Variants in USP15 observed in about 807,000 individuals in gnomAD.
USP15 encodes the protein ubiquitin carboxyl-terminal hydrolase 15.
USP15 carries 18 observed loss-of-function variants against 127.1 expected under a neutral mutation model. The observed-to-expected ratio is 0.14, with a 90% CI of 0.10 to 0.21. The LOEUF is 0.21. Among genes scored for constraint, USP15 ranks in the 10% least tolerant of loss-of-function variants. The probability of loss-of-function intolerance (pLI) is 1.00; values close to 1 mark genes in which losing one functional copy is unlikely to be tolerated. For synonymous variants in USP15, 364 were observed against 393.7 expected (o/e 0.92, Z 0.89); for missense variants, 805 against 1,159.9 (o/e 0.69, Z 4.44).
chr12:62,330,225 A>T (rs1181257005), intron 6 of USP15, among the ~76,000 whole-genome samples: 1 of 152,112 alleles, frequency 6.6e-6, no homozygotes, highest in Admixed American at 6.6e-5. Context: ...AAATTTATTT[A>T]TATTATATTT....
chr12:62,391,301 G>A lies in USP15; in HGVS notation c.2105G>A (p.Gly702Asp), dbSNP rs559569739. Residue 702 changes from glycine (G) to aspartate (D), a missense_variant, in exon 16 of 22, where the codon GGT (glycine) becomes GAT (aspartate). Gly to Asp is a moderately conservative substitution (Grantham distance 94, BLOSUM62 -1). Transcript: ENST00000280377. ...TTATGTACTGAGGATACTTGCAAAG[G>A]TCAACTCACGGGACACAAAAAACGA... ...NGLCTEDTCK[G>D]QLTGHKKRLF... 1.2e-6 allele frequency: 2 copies of A among 1,613,528 alleles called. No individual in the cohort carries two copies. Among genetic ancestry groups the A allele is most frequent in the East Asian group, 4.5e-5 (2 of 44,798 alleles).
At chr12:62,307,246 T>G (rs1452876230) in intron 3 of USP15, among the ~76,000 whole-genome samples, 1 of 152,090 alleles carries the variant, frequency 6.6e-6, no homozygotes, top group Non-Finnish European at 1.5e-5. Flanking sequence ...GGCTGAAAAT[T>G]TACTTAACTT....
At chr12:62,305,077 A>T (rs73135297) in intron 3 of USP15, among the ~76,000 whole-genome samples, 11,616 of 152,174 alleles carry the variant, frequency 0.076, 572 homozygotes, top group Middle Eastern at 0.16. Context: ...AATGGAATGC[A>T]GTAAGTAAGT....
intron 8 of USP15, among the ~76,000 whole-genome samples, chr12:62,362,717 CTAATTATGCCA>C (rs1467769432): frequency 6.6e-6 from 1 of 152,036 alleles, no homozygotes; most frequent in Non-Finnish European, 1.5e-5. Context: ...CTCATAATCA[CTAATTATGCCA>C]TGATGAACAA....
intron 4 of USP15, among the ~76,000 whole-genome samples, 185 bp from the exon 5 acceptor site, chr12:62,321,279 A>G (rs1007232842): frequency 2.0e-5 from 3 of 152,026 alleles, no homozygotes; most frequent in East Asian, 3.9e-4. Context: ...TACAAATACC[A>G]TTTTTTCCAT....
chr12:62,326,822 A>T (rs1264906087), intron 6 of USP15, among the ~76,000 whole-genome samples: 1 of 152,174 alleles, frequency 6.6e-6, no homozygotes, highest in Non-Finnish European at 1.5e-5. Context: ...AAAATCTGCT[A>T]CTTTATTTGA....
At position 62,404,188 on chromosome 12, in the gene USP15, G is replaced by A. The variant is rs1375445758; in HGVS notation, c.2764-5G>A. 2 of 1,592,890 alleles carry A rather than the reference G, an allele frequency of 1.3e-6. No homozygotes were observed. The highest frequency in any genetic ancestry group is 2.7e-5 in the African/African-American group (2 of 73,664). ...TAACTGTTTTAACATCCTTTGTTTT[G>A]ACAGTCCAAAGCAGCATATGTACTC... On this transcript the variant is annotated splice_region_variant and splice_polypyrimidine_tract_variant and intron_variant, in intron 21 of 21. Coordinates refer to ENST00000280377, the MANE Select transcript of USP15 (RefSeq NM_001252078.2).
chr12:62,268,312 G>A (rs1276852720), intron 1 of USP15, among the ~76,000 whole-genome samples: 1 of 152,076 alleles, frequency 6.6e-6, no homozygotes, highest in African/African-American at 2.4e-5. Context: ...TGTACTGCCT[G>A]CCTATGTGTG....
chr12:62,392,231 G>A (rs2067349261), intron 17 of USP15, 41 bp from the exon 18 acceptor site: 1 of 1,350,404 alleles, frequency 7.4e-7, no homozygotes, highest in Non-Finnish European at 1.0e-6. Flanking sequence ...AATGAGTTTT[G>A]TTTCATTTGT....
chr12:62,290,472 C>T (rs928315644), intron 1 of USP15, among the ~76,000 whole-genome samples: 2 of 152,130 alleles, frequency 1.3e-5, no homozygotes, highest in African/African-American at 2.4e-5. Context: ...TATCTTTTTG[C>T]ACCCCTTTCT....
chr12:62,357,822 T>C (rs2066182870), intron 8 of USP15, among the ~76,000 whole-genome samples: 1 of 152,090 alleles, frequency 6.6e-6, no homozygotes, highest in Non-Finnish European at 1.5e-5. Flanking sequence ...GAGCTGAAAA[T>C]TGACTGTAAG....
intron 18 of USP15, 104 bp from the exon 19 acceptor site, chr12:62,392,949 C>T (rs2137627570): frequency 7.8e-7 from 1 of 1,281,044 alleles, no homozygotes; most frequent in Non-Finnish European, 1.1e-6. Context: ...TATAATTGCC[C>T]ACTGAATAAA....
intron 1 of USP15, among the ~76,000 whole-genome samples, chr12:62,263,649 C>T (rs911980695): frequency 2.6e-5 from 4 of 152,046 alleles, no homozygotes; most frequent in African/African-American, 7.2e-5. Context: ...AAAATTAATA[C>T]GAGAGTAATA....
At chr12:62,334,322 C>T (rs1386009706) in intron 6 of USP15, 2 of 151,944 alleles carry the variant, frequency 1.3e-5, no homozygotes, top group East Asian at 1.9e-4. Flanking sequence ...TCATAATTGG[C>T]TGAAAAAATT....
chr12:62,305,076 CAGTA>C (rs1592545433), intron 3 of USP15, among the ~76,000 whole-genome samples: 5 of 152,018 alleles, frequency 3.3e-5, no homozygotes, highest in South Asian at 2.1e-4. Context: ...AAATGGAATG[CAGTA>C]AGTAAGTTTA....
Position 62,413,239 on chromosome 12 carries a change from T to C in USP15, c.*8864T>C, listed in dbSNP as rs1443439751. ...CGGATGTGCTACCATCCAGGCTTTATGGTTCCTTTTATAGAGCAAAAACAT... is the reference window on the plus strand; with the variant it reads ...CGGATGTGCTACCATCCAGGCTTTACGGTTCCTTTTATAGAGCAAAAACAT... On this transcript the variant is annotated 3_prime_UTR_variant, in exon 22 of 22. Coordinates refer to ENST00000280377, the MANE Select transcript of USP15 (RefSeq NM_001252078.2). The C allele has an allele frequency of 6.6e-6, 1 of 152,220 alleles. No homozygotes were observed. Among genetic ancestry groups the C allele is most frequent in the Non-Finnish European group, 1.5e-5 (1 of 68,024 alleles). 9.4% of individuals were successfully genotyped at this position (152,220 alleles called of 1,614,324 possible).
chr12:62,390,791 G>A, intron 14 of USP15, 73 bp from the exon 15 acceptor site: 1 of 1,106,580 alleles, frequency 9.0e-7, no homozygotes, highest in Non-Finnish European at 1.3e-6. Flanking sequence ...TTGTTTTACT[G>A]ATAGAAGGAA....
chr12:62,329,553 AG>A (rs1033363239), intron 6 of USP15, among the ~76,000 whole-genome samples: 1 of 149,098 alleles, frequency 6.7e-6, no homozygotes, highest in Non-Finnish European at 1.5e-5. Flanking sequence ...TAAAACCTAA[AG>A]GGAATAATAC....
chr12:62,299,258 G>T (rs896729536), intron 2 of USP15, among the ~76,000 whole-genome samples: 1 of 151,990 alleles, frequency 6.6e-6, no homozygotes, highest in Non-Finnish European at 1.5e-5. Flanking sequence ...TTACAGATGC[G>T]TGCCACCACA....
Sources: allele counts gnomAD v4.1 joint callset (sites outside exome capture counted in the v4.1 genomes callset), GRCh38; gene constraint gnomAD v4.1.1; transcripts MANE v1.5; gene names NCBI Gene and HGNC (gene_info 2026-07-23, HGNC 2026-07-21).